The following FAM107B variants were observed in gnomAD, a reference collection of about 807,000 sequenced individuals.
FAM107B encodes the protein family with sequence similarity 107 member B, also known as protein FAM107B.
FAM107B carries 21 observed loss-of-function variants against 31.5 expected under a neutral mutation model. That is an observed-to-expected ratio of 0.67 (90% CI 0.47 to 0.96). FAM107B has a LOEUF of 0.96. Ranked by LOEUF, FAM107B falls within the 40% of genes least tolerant of loss-of-function variation. The probability of loss-of-function intolerance (pLI) is 0.00; values close to 1 mark genes in which losing one functional copy is unlikely to be tolerated. For synonymous variants in FAM107B, 157 were observed against 141.5 expected, an observed-to-expected ratio of 1.11 and a Z score of -0.78; for missense variants, 452 against 377.1, an observed-to-expected ratio of 1.20 and a Z score of -1.64.
At chr10:14,621,256 A>T (rs1406093270) in intron 2 of FAM107B, among the ~76,000 whole-genome samples, 6 of 152,118 alleles carry the variant, frequency 3.9e-5, no homozygotes, top group Non-Finnish European at 7.4e-5. Context: ...TCACATTTCG[A>T]TGTTTTGAAA....
intron 1 of FAM107B, among the ~76,000 whole-genome samples, chr10:14,685,189 C>A (rs572023711): frequency 2.5e-4 from 37 of 148,790 alleles, no homozygotes; most frequent in Non-Finnish European, 5.0e-4. Context: ...TGCTCTGTCA[C>A]CTGGGCTGGA....
chr10:14,706,304 T>C (rs1438724344), intron 1 of FAM107B, among the ~76,000 whole-genome samples: 5 of 152,172 alleles, frequency 3.3e-5, no homozygotes, highest in Admixed American at 6.5e-5. Flanking sequence ...AAACTCCAAA[T>C]TGTTTTTTTT....
chr10:14,751,967 G>A (rs1832835958), intron 1 of FAM107B, among the ~76,000 whole-genome samples: 1 of 152,138 alleles, frequency 6.6e-6, no homozygotes, highest in Admixed American at 6.5e-5. Flanking sequence ...TCAGAAAATA[G>A]GTTTAATCCA....
chr10:14,765,509 G>A (rs1359583153), intron 1 of FAM107B, among the ~76,000 whole-genome samples: 2 of 152,140 alleles, frequency 1.3e-5, no homozygotes, highest in African/African-American at 2.4e-5. Context: ...ATGCCACTGT[G>A]TTTAACATCT....
intron 1 of FAM107B, among the ~76,000 whole-genome samples, chr10:14,760,982 A>T (rs576798005): frequency 3.5e-5 from 5 of 143,000 alleles, no homozygotes; most frequent in Admixed American, 7.2e-5. Flanking sequence ...ACTGCACTCC[A>T]GCCTGGGCGA....
At chr10:14,741,694 CGA>C (rs896337136) in intron 1 of FAM107B, among the ~76,000 whole-genome samples, 147 of 149,814 alleles carry the variant, frequency 9.8e-4, no homozygotes, top group African/African-American at 3.5e-3. Context: ...TTCCTCTCCT[CGA>C]CTTTCCATGC....
chr10:14,749,133 G>A (rs550128839), intron 1 of FAM107B, among the ~76,000 whole-genome samples: 3 of 152,334 alleles, frequency 2.0e-5, no homozygotes, highest in Admixed American at 2.0e-4. Context: ...GGCTGCGAGA[G>A]GCTGGAGCTT....
chr10:14,745,071 A>C (rs1052748026), intron 1 of FAM107B, among the ~76,000 whole-genome samples: 1 of 152,162 alleles, frequency 6.6e-6, no homozygotes, highest in African/African-American at 2.4e-5. Flanking sequence ...AATTTCTTCT[A>C]GATTTTCCAG....
intron 1 of FAM107B, among the ~76,000 whole-genome samples, chr10:14,694,549 A>G (rs556097826): frequency 6.6e-6 from 1 of 152,094 alleles, no homozygotes; most frequent in East Asian, 1.9e-4. Flanking sequence ...ATGCCCGGCT[A>G]ATTTTGTATT....
intron 2 of FAM107B, 31 bp downstream of exon 2, chr10:14,667,603 T>G: frequency 6.2e-7 from 1 of 1,611,740 alleles, no homozygotes; most frequent in South Asian, 1.1e-5. Context: ...AACAGCAGCC[T>G]GGAAAAGGAA....
chr10:14,678,234 G>C (rs1003012212), intron 1 of FAM107B, among the ~76,000 whole-genome samples: 1 of 152,058 alleles, frequency 6.6e-6, no homozygotes, highest in East Asian at 1.9e-4. Flanking sequence ...TTGTTGTTAG[G>C]GTAAAATAAG....
At chr10:14,644,332 C>T (rs1460707511) in intron 2 of FAM107B, among the ~76,000 whole-genome samples, 1 of 152,170 alleles carries the variant, frequency 6.6e-6, no homozygotes, top group Non-Finnish European at 1.5e-5. Flanking sequence ...TGAGGTAGGT[C>T]ATTTATCTAT....
intron 1 of FAM107B, among the ~76,000 whole-genome samples, chr10:14,727,072 A>T (rs1169627013): frequency 6.6e-6 from 1 of 152,058 alleles, no homozygotes; most frequent in Non-Finnish European, 1.5e-5. Context: ...TCACATGTGC[A>T]GTTCACAATA....
At chr10:14,737,393 G>C in intron 1 of FAM107B, among the ~76,000 whole-genome samples, 1 of 152,080 alleles carries the variant, frequency 6.6e-6, no homozygotes. Context: ...TGGGCGGATT[G>C]CCTGAGCTCA....
chr10:14,635,632 A>T (rs199828919), intron 2 of FAM107B, among the ~76,000 whole-genome samples: 1 of 150,078 alleles, frequency 6.7e-6, no homozygotes, highest in East Asian at 1.9e-4. Context: ...GTGTTTTTCT[A>T]TTTTTTTTTC....
intron 2 of FAM107B, among the ~76,000 whole-genome samples, chr10:14,562,059 T>G (rs1342440093): frequency 2.0e-5 from 3 of 152,204 alleles, no homozygotes; most frequent in Non-Finnish European, 2.9e-5. Flanking sequence ...GTGGTAGGAT[T>G]ACAGGTGTGA....
chr10:14,557,660 G>A (rs1849818713), intron 2 of FAM107B, among the ~76,000 whole-genome samples: 1 of 152,226 alleles, frequency 6.6e-6, no homozygotes, highest in Non-Finnish European at 1.5e-5. Flanking sequence ...CATTCGAAGT[G>A]CTTACTGCAT....
At chr10:14,723,789 C>T (rs1356507434) in intron 1 of FAM107B, 2 of 758,272 alleles carry the variant, frequency 2.6e-6, no homozygotes, top group Non-Finnish European at 4.8e-6. Context: ...CAGCAGCAAA[C>T]TTCAGCAGGG....
chr10:14,525,722 G>A (rs1846157535), intron 3 of FAM107B, among the ~76,000 whole-genome samples: 1 of 152,182 alleles, frequency 6.6e-6, no homozygotes, highest in Non-Finnish European at 1.5e-5. Context: ...AAAACAATGA[G>A]GCTCTGAGCC....
Sources: gnomAD v4.1 joint callset for allele counts (sites outside exome capture counted in the v4.1 genomes callset) on GRCh38, gnomAD v4.1.1 for gene constraint, MANE v1.5 for transcripts, NCBI Gene and HGNC (gene_info 2026-07-23, HGNC 2026-07-21) for gene names.